The following TBC1D32 variants were observed in gnomAD, a reference collection of about 807,000 sequenced individuals.
TBC1D32 encodes the protein protein broad-minded.
Under a neutral mutation model 170.3 loss-of-function variants are expected in TBC1D32, and 151 were observed. The ratio of observed to expected loss-of-function variants is 0.89; its 90% CI spans 0.78 to 1.01. The LOEUF (loss-of-function observed/expected upper bound fraction) is 1.01, where lower values mean the gene tolerates loss of function less well. Among genes scored for constraint, TBC1D32 ranks in the 50% least tolerant of loss-of-function variants. The pLI is 0.00. For synonymous variants in TBC1D32, 498 were observed against 488.0 expected (o/e 1.02, Z -0.27); for missense variants, 1,464 against 1,457.1 (o/e 1.00, Z -0.08).
At chr6:121,256,002 A>C (rs1798951169) in intron 16 of TBC1D32, 82 bp downstream of exon 16, 1 of 1,227,392 alleles carries the variant, frequency 8.1e-7, no homozygotes, top group South Asian at 1.5e-5. Context: ...TAAATATTTC[A>C]TCCAAAGTAC....
At chr6:121,256,857 A>C (rs1450681770) in intron 15 of TBC1D32, among the ~76,000 whole-genome samples, 1 of 151,972 alleles carries the variant, frequency 6.6e-6, no homozygotes, top group East Asian at 1.9e-4. Context: ...TTTTTAGTAG[A>C]GATGGGGTTT....
At chr6:121,270,975 G>C (rs1262440154) in intron 15 of TBC1D32, among the ~76,000 whole-genome samples, 1 of 152,008 alleles carries the variant, frequency 6.6e-6, no homozygotes, top group Non-Finnish European at 1.5e-5. Context: ...ATCAATAAAG[G>C]TAATCCCTCA....
chr6:121,195,667 C>A (rs1417358714), intron 22 of TBC1D32, among the ~76,000 whole-genome samples: 1 of 152,154 alleles, frequency 6.6e-6, no homozygotes, highest in Non-Finnish European at 1.5e-5. Flanking sequence ...GCCTTCTCTC[C>A]CCCAGCTTGC....
intron 15 of TBC1D32, among the ~76,000 whole-genome samples, chr6:121,276,814 G>A (rs1377975250): frequency 6.6e-6 from 1 of 152,060 alleles, no homozygotes; most frequent in East Asian, 1.9e-4. Flanking sequence ...GGGTAAAAAG[G>A]AACATTAAAT....
intron 17 of TBC1D32, among the ~76,000 whole-genome samples, chr6:121,254,938 CCCA>C: frequency 1.3e-5 from 2 of 152,012 alleles, no homozygotes; most frequent in Middle Eastern, 6.8e-3. Flanking sequence ...GAAATGTACT[CCCA>C]CCACTTTTAG....
intron 21 of TBC1D32, 149 bp from the exon 22 acceptor site, chr6:121,205,312 A>G (rs2128304772): frequency 4.5e-6 from 2 of 445,452 alleles, no homozygotes; most frequent in Non-Finnish European, 8.1e-6. Context: ...AAGAAGAAGA[A>G]GAAGAAGAAT....
intron 12 of TBC1D32, among the ~76,000 whole-genome samples, chr6:121,291,234 C>T (rs1479264732): frequency 6.6e-6 from 1 of 151,930 alleles, no homozygotes; most frequent in Non-Finnish European, 1.5e-5. Flanking sequence ...ACAGTTGAGG[C>T]ACTCATCAGT....
intron 29 of TBC1D32, among the ~76,000 whole-genome samples, chr6:121,107,718 T>C: frequency 6.6e-6 from 1 of 151,986 alleles, no homozygotes. Flanking sequence ...TGTATTTTAG[T>C]TTTTCCATGC....
At chr6:121,279,380 G>C (rs997940434) in intron 14 of TBC1D32, 135 bp from the exon 15 acceptor site, 1 of 1,053,254 alleles carries the variant, frequency 9.5e-7, no homozygotes, top group African/African-American at 1.7e-5. Context: ...TGATTTGTTT[G>C]GCTGTGAAAT....
chr6:121,206,106 A>C (rs1792223867), intron 21 of TBC1D32, among the ~76,000 whole-genome samples: 1 of 151,356 alleles, frequency 6.6e-6, no homozygotes, highest in Non-Finnish European at 1.5e-5. Context: ...GCTACTCGGG[A>C]GGCTGAGGCA....
At chr6:121,186,974 T>C (rs1284835158) in intron 22 of TBC1D32, among the ~76,000 whole-genome samples, 1 of 152,088 alleles carries the variant, frequency 6.6e-6, no homozygotes, top group Admixed American at 6.6e-5. Context: ...TTGTAACTAC[T>C]AGATATTAGT....
At chr6:121,310,036 A>AATAT (rs962606735) in intron 4 of TBC1D32, among the ~76,000 whole-genome samples, 44 of 151,036 alleles carry the variant, frequency 2.9e-4, no homozygotes, top group African/African-American at 1.0e-3. Context: ...CCCTATCTTA[A>AATAT]ATATATATAT....
intron 26 of TBC1D32, among the ~76,000 whole-genome samples, chr6:121,119,122 C>A (rs1780000151): frequency 6.6e-6 from 1 of 152,174 alleles, no homozygotes; most frequent in Admixed American, 6.6e-5. Context: ...TTCTACTGGA[C>A]ACCTGTGGCC....
chr6:121,103,740 A>G (rs1480388475), intron 30 of TBC1D32, among the ~76,000 whole-genome samples: 3 of 151,972 alleles, frequency 2.0e-5, no homozygotes, highest in Admixed American at 2.0e-4. Context: ...TATATAACAA[A>G]AGAGTATATG....
At chr6:121,322,552 C>T (rs558961458) in intron 1 of TBC1D32, among the ~76,000 whole-genome samples, 1 of 152,312 alleles carries the variant, frequency 6.6e-6, no homozygotes, top group African/African-American at 2.4e-5. Context: ...GACTGATATC[C>T]TTTCTCACCT....
intron 21 of TBC1D32, among the ~76,000 whole-genome samples, chr6:121,215,094 G>A (rs1480461342): frequency 6.6e-6 from 1 of 152,224 alleles, no homozygotes; most frequent in African/African-American, 2.4e-5. Flanking sequence ...CACAGTCAGG[G>A]TGTCCCAACA....
chr6:121,092,293 G>GTTTTT lies in TBC1D32; in HGVS notation c.3466-1257_3466-1253dup, dbSNP rs1160372863. Reference sequence around the variant, plus strand: ...AATATCTCTTCTCCTTCAGTTTTATGTTTTTTTTTTTTTTTTTTTTTTTTT... The same window carrying GTTTTT: ...AATATCTCTTCTCCTTCAGTTTTATGTTTTTTTTTTTTTTTTTTTTTTTTTTTTTT... On this transcript the variant is annotated intron_variant, in intron 30 of 31. Coordinates refer to ENST00000398212, the MANE Select transcript of TBC1D32 (RefSeq NM_152730.6). Among the ~76,000 whole-genome samples the GTTTTT allele has an allele frequency of 2.2e-3, 110 of 50,406 alleles. 18 individuals are homozygous for GTTTTT. The highest frequency in any genetic ancestry group is 4.0e-3 in the Non-Finnish European group (93 of 23,240). 33.1% of individuals were successfully genotyped at this position (50,406 alleles called of 152,430 possible). A position where few individuals can be genotyped will look rare whatever the true frequency, so the allele number is the denominator to read the frequency against.
At chr6:121,314,036 A>G (rs1435877257) in intron 3 of TBC1D32, among the ~76,000 whole-genome samples, 2 of 152,226 alleles carry the variant, frequency 1.3e-5, no homozygotes, top group African/African-American at 4.8e-5. Flanking sequence ...AAGGAAAAAA[A>G]CCTACTCAAG....
chr6:121,263,171 T>A (rs1331129094), intron 15 of TBC1D32, among the ~76,000 whole-genome samples: 2 of 151,738 alleles, frequency 1.3e-5, no homozygotes, highest in African/African-American at 4.8e-5. Context: ...CAGTGTGCTG[T>A]ATTCAAGAGA....
Sources: gnomAD v4.1 joint callset for allele counts (sites outside exome capture counted in the v4.1 genomes callset) on GRCh38, gnomAD v4.1.1 for gene constraint, MANE v1.5 for transcripts, NCBI Gene and HGNC (gene_info 2026-07-23, HGNC 2026-07-21) for gene names.